AKAP8: variants seen among roughly 807,000 people sequenced by gnomAD.
AKAP8 encodes the protein A-kinase anchor protein 8.
A neutral mutation model predicts 67.5 loss-of-function variants in AKAP8; 24 were observed. The observed-to-expected ratio is 0.36, with a 90% confidence interval of 0.26 to 0.50. The LOEUF (loss-of-function observed/expected upper bound fraction) is 0.50. AKAP8 is among the 20% of genes least tolerant of loss of function. The probability of loss-of-function intolerance (pLI) is 0.97; values close to 1 mark genes in which losing one functional copy is unlikely to be tolerated. For synonymous variants in AKAP8, 400 were observed against 371.1 expected (o/e 1.08, Z -0.90); for missense variants, 971 against 955.9 (o/e 1.02, Z -0.21).
intron 12 of AKAP8, among the ~76,000 whole-genome samples, chr19:15,360,431 G>GT (rs1339135175): frequency 6.6e-6 from 1 of 152,184 alleles, no homozygotes; most frequent in Non-Finnish European, 1.5e-5. Context: ...ACAAAATAAG[G>GT]TATTTTTCCA....
chr19:15,370,196 A>G lies in AKAP8; in HGVS notation c.1039-17T>C, dbSNP rs1568427439. 12 of 1,613,966 alleles carry G rather than the reference A, an allele frequency of 7.4e-6. No homozygotes were observed. Among genetic ancestry groups the G allele is most frequent in the South Asian group, 1.1e-5 (1 of 91,062 alleles). On this transcript the variant is annotated splice_polypyrimidine_tract_variant and intron_variant, in intron 7 of 13. Transcript: ENST00000269701. ...TTCATCCTCCTGGAAAAGAGTATAC[A>G]CAAAGTCCGGCAGTGAGCTGGTGTG... is the stretch of plus-strand genomic sequence containing the variant.
chr19:15,372,128 T>C, intron 6 of AKAP8, 90 bp downstream of exon 6: 1 of 1,608,088 alleles, frequency 6.2e-7, no homozygotes, highest in Non-Finnish European at 8.5e-7. Context: ...CACCTGCGAG[T>C]GTCCACGACA....
Position 15,379,764 on chromosome 19 carries a change from A to G in AKAP8, c.-33T>C, listed in dbSNP as rs1430924186. 4.3e-6 allele frequency: 7 copies of G among 1,609,860 alleles called. No homozygotes were observed. The highest frequency in any genetic ancestry group is 5.9e-6 in the Non-Finnish European group (7 of 1,178,566). ...ACGCGGCCCACCAGCAGCCCCGTTT[A>G]CTAGGCGACCACAGCACGCATGCGT... is the stretch of plus-strand genomic sequence containing the variant. On this transcript the variant is annotated 5_prime_UTR_variant, in exon 1 of 14. Transcript: ENST00000269701.
In AKAP8 at chr19:15,362,213, A is replaced by G; in HGVS notation, c.1199T>C (p.Phe400Ser). The G allele has an allele frequency of 1.2e-6, 2 of 1,614,152 alleles. No individual in the cohort carries two copies. Among genetic ancestry groups the G allele is most frequent in the South Asian group, 2.2e-5 (2 of 91,082 alleles). ...ATGCTTCTGGATCTCTTCGTCATCA[A>G]AGCTACGGAACTTGCATACAGAACA... is the stretch of plus-strand genomic sequence containing the variant. The part of the protein sequence containing the change: ...FACSVCKFRS[F>S]DDEEIQKHLQ... The change falls in exon 10 of 14, where the codon TTT (phenylalanine) becomes TCT (serine). Residue 400 changes from phenylalanine to serine, a missense_variant. Physicochemically the swap from Phe to Ser is radical, Grantham distance 155. Coordinates refer to ENST00000269701, the MANE Select transcript of AKAP8 (RefSeq NM_005858.4).
intron 5 of AKAP8, 102 bp from the exon 6 acceptor site, chr19:15,372,449 A>G: frequency 6.8e-7 from 1 of 1,471,032 alleles, no homozygotes; most frequent in Non-Finnish European, 9.2e-7. Context: ...ACAGGCACAA[A>G]AGGTCTTTTC....
In AKAP8 at chr19:15,355,166, T is replaced by C. The variant is rs950616458; in HGVS notation, c.1828A>G (p.Thr610Ala). The C allele has an allele frequency of 1.2e-6, 2 of 1,612,638 alleles. No individual in the cohort carries two copies. The highest frequency in any genetic ancestry group is 1.3e-5 in the African/African-American group (1 of 74,940). The change falls in exon 14 of 14, where the codon ACG becomes GCG. Residue 610 changes from threonine to alanine, a missense_variant. Transcript: ENST00000269701. ...SGEPAEDEGP[T>A]DTAEAGSDPQ... ...TCACTACCGGCCTCCGCTGTGTCCG[T>C]GGGGCCTTCGTCCTCAGCCGGCTCC...
At chr19:15,357,880 C>T (rs538653711) in intron 13 of AKAP8, among the ~76,000 whole-genome samples, 1 of 152,024 alleles carries the variant, frequency 6.6e-6, no homozygotes, top group East Asian at 1.9e-4. Flanking sequence ...CAGGGTTTCA[C>T]CATGTTGTCC....
In AKAP8 at chr19:15,355,058, C is replaced by A; in HGVS notation, c.1936G>T (p.Ala646Ser). Residue 646 changes from alanine to serine, a missense_variant, in exon 14 of 14, where the codon GCT becomes TCT. Around this residue, in one of 3 missense-constraint regions of AKAP8, gnomAD observed 204 missense variants for 193.0 expected, o/e 1.06. Transcript: ENST00000269701. ...EKGVPKARSEAAEAGNGAETM... is the reference protein window; with the variant it reads ...EKGVPKARSESAEAGNGAETM... ...TCGGCGCCATTTCCAGCCTCTGCAGCCTCACTTCTGGCCTTGGGGACGCCC... is the reference window on the plus strand; with the variant it reads ...TCGGCGCCATTTCCAGCCTCTGCAGACTCACTTCTGGCCTTGGGGACGCCC... The A allele has an allele frequency of 1.2e-6, 2 of 1,613,444 alleles. No homozygotes were observed. The highest frequency in any genetic ancestry group is 1.7e-6 in the Non-Finnish European group (2 of 1,179,424).
intron 13 of AKAP8, among the ~76,000 whole-genome samples, chr19:15,358,219 T>A (rs772569519): frequency 6.6e-6 from 1 of 152,132 alleles, no homozygotes; most frequent in Non-Finnish European, 1.5e-5. Context: ...AGCACCCACT[T>A]TGGGACTTCG....
At chr19:15,366,769 C>T (rs1319771493) in intron 9 of AKAP8, among the ~76,000 whole-genome samples, 1 of 152,082 alleles carries the variant, frequency 6.6e-6, no homozygotes, top group Non-Finnish European at 1.5e-5. Context: ...GCCACCATGC[C>T]GGACGAATTT....
At chr19:15,374,139 G>T (rs568454382) in intron 3 of AKAP8, 74 bp from the exon 4 acceptor site, 1 of 1,489,290 alleles carries the variant, frequency 6.7e-7, no homozygotes, top group African/African-American at 1.4e-5. Context: ...AACCGGGGAG[G>T]GGCACCCGCT....
chr19:15,374,728 G>A, intron 2 of AKAP8, 93 bp from the exon 3 acceptor site: 1 of 1,474,098 alleles, frequency 6.8e-7, no homozygotes, highest in Non-Finnish European at 9.4e-7. Flanking sequence ...CACAGCCCCA[G>A]GGCCAGGGCT....
intron 7 of AKAP8, among the ~76,000 whole-genome samples, chr19:15,371,467 G>C (rs1356077046): frequency 6.6e-6 from 1 of 152,106 alleles, no homozygotes; most frequent in Non-Finnish European, 1.5e-5. Flanking sequence ...TTTCAGAAAA[G>C]GAATGTTTGT....
rs751610998 is a variant in AKAP8, at chr19:15,373,766, G to C, written c.371+20C>G. ...TGGGGATGTGTGGGGTCCCGGGGGA[G>C]GGCTTGGGTCCATAATCACCTCTCC... On this transcript the variant is annotated intron_variant, in intron 4 of 13. Transcript: ENST00000269701. 6.3e-7 allele frequency: 1 copy of C among 1,596,098 alleles called. No homozygotes were observed. The highest frequency in any genetic ancestry group is 8.5e-7 in the Non-Finnish European group (1 of 1,175,062).
chr19:15,364,949 G>A (rs1049535261), intron 9 of AKAP8, among the ~76,000 whole-genome samples: 4 of 152,174 alleles, frequency 2.6e-5, no homozygotes, highest in African/African-American at 4.8e-5. Flanking sequence ...CAAGAGTTCC[G>A]ACTTCCCAAA....
chr19:15,354,720 C>G lies in AKAP8; in HGVS notation c.*195G>C. The G allele has an allele frequency of 1.6e-6, 1 of 626,798 alleles. No homozygotes were observed. Among genetic ancestry groups the G allele is most frequent in the South Asian group, 2.0e-5 (1 of 49,726 alleles). 38.8% of individuals were successfully genotyped at this position (626,798 alleles called of 1,614,324 possible). On this transcript the variant is annotated 3_prime_UTR_variant, in exon 14 of 14. Transcript: ENST00000269701. ...AGGACAATGTACTTCAGCTTTGAAA[C>G]CTGGGCAAGAAGCCACACGACTGCA...
chr19:15,375,181 C>T (rs976813866), intron 2 of AKAP8, among the ~76,000 whole-genome samples: 2 of 152,168 alleles, frequency 1.3e-5, no homozygotes, highest in African/African-American at 4.8e-5. Context: ...ACAAAGGAAG[C>T]CCTCGTGCCC....
chr19:15,367,836 G>C (rs796681652), intron 9 of AKAP8, among the ~76,000 whole-genome samples: 21 of 152,364 alleles, frequency 1.4e-4, no homozygotes, highest in African/African-American at 5.1e-4. Flanking sequence ...TGAGATGCCA[G>C]ACACCAGGCT....
intron 13 of AKAP8, among the ~76,000 whole-genome samples, chr19:15,356,230 C>G (rs2048277495): frequency 6.6e-6 from 1 of 150,868 alleles, no homozygotes. Context: ...GAAACCCCAT[C>G]TCTACTAAAA....
Sources: allele counts gnomAD v4.1 joint callset (sites outside exome capture counted in the v4.1 genomes callset), GRCh38; gene constraint gnomAD v4.1.1; regional missense constraint gnomAD v4.1.1; transcripts MANE v1.5; gene names NCBI Gene and HGNC (gene_info 2026-07-23, HGNC 2026-07-21).